The following GPBP1 variants were observed in gnomAD, a reference collection of about 807,000 sequenced individuals.
The protein encoded by GPBP1 is GC-rich promoter binding protein 1.
A neutral mutation model predicts 56.5 loss-of-function variants in GPBP1; 13 were observed. That is an observed-to-expected ratio of 0.23 (90% CI 0.15 to 0.37). The LOEUF (loss-of-function observed/expected upper bound fraction) is 0.37. Among genes scored for constraint, GPBP1 ranks in the 10% least tolerant of loss-of-function variants. The probability of loss-of-function intolerance (pLI) is 1.00; values close to 1 mark genes in which losing one functional copy is unlikely to be tolerated. For missense variants in GPBP1, 477 were observed against 572.3 expected, an observed-to-expected ratio of 0.83 and a Z score of 1.70; for synonymous variants, 204 against 188.9, an observed-to-expected ratio of 1.08 and a Z score of -0.66.
intron 2 of GPBP1, among the ~76,000 whole-genome samples, chr5:57,186,530 C>G (rs948674821): frequency 1.2e-4 from 18 of 151,604 alleles, no homozygotes; most frequent in African/African-American, 3.2e-4. Context: ...GTCTTTGATT[C>G]ATTTTGAATT....
intron 3 of GPBP1, among the ~76,000 whole-genome samples, chr5:57,216,823 C>T (rs993020617): frequency 1.3e-5 from 2 of 151,910 alleles, no homozygotes; most frequent in African/African-American, 4.8e-5. Context: ...GCTTTACTTT[C>T]TCCTTATGAA....
Position 57,246,957 on chromosome 5 carries a change from A to G in GPBP1, c.664-118A>G, listed in dbSNP as rs74666530. Reference sequence around the variant, plus strand: ...TGTAGGAATAATGCAGTGTGATACAAAAATAATTGTTTCCATGAGCCTAGC... The same window carrying G: ...TGTAGGAATAATGCAGTGTGATACAGAAATAATTGTTTCCATGAGCCTAGC... On this transcript the variant is annotated intron_variant, in intron 7 of 11. Coordinates refer to ENST00000506184, the MANE Select transcript of GPBP1 (RefSeq NM_022913.4). The G allele has an allele frequency of 1.2e-3, 966 of 783,808 alleles. 14 individuals are homozygous for G. The East Asian group carries it at 0.025, about 21-fold the overall frequency. 48.6% of individuals were successfully genotyped at this position (783,808 alleles called of 1,614,324 possible). A position where few individuals can be genotyped will look rare whatever the true frequency, so the allele number is the denominator to read the frequency against.
chr5:57,220,045 C>G (rs940016100), intron 3 of GPBP1, among the ~76,000 whole-genome samples: 4 of 144,952 alleles, frequency 2.8e-5, no homozygotes, highest in African/African-American at 1.0e-4. Context: ...GAGTGAGACC[C>G]TGTCTCAAAA....
intron 2 of GPBP1, among the ~76,000 whole-genome samples, chr5:57,199,235 A>G (rs1326097317): frequency 1.3e-5 from 2 of 152,216 alleles, no homozygotes; most frequent in Non-Finnish European, 2.9e-5. Context: ...TGTTTTGTAG[A>G]TATAACAAAA....
chr5:57,185,301 G>C (rs1259191637), intron 2 of GPBP1, among the ~76,000 whole-genome samples: 1 of 144,014 alleles, frequency 6.9e-6, no homozygotes, highest in African/African-American at 2.6e-5. Context: ...TGCTGTTGTT[G>C]CCCAGGCTGG....
chr5:57,202,452 C>T (rs1479679472), intron 2 of GPBP1, among the ~76,000 whole-genome samples: 1 of 151,690 alleles, frequency 6.6e-6, no homozygotes, highest in East Asian at 1.9e-4. Flanking sequence ...CCACGCTTGG[C>T]TAATTTTTGT....
In GPBP1 at chr5:57,176,324, A is replaced by C; in HGVS notation, c.-134A>C. The C allele has an allele frequency of 3.8e-6, 1 of 263,542 alleles. No homozygotes were observed. Among genetic ancestry groups the C allele is most frequent in the Non-Finnish European group, 7.0e-6 (1 of 141,904 alleles). 16.3% of individuals were successfully genotyped at this position (263,542 alleles called of 1,614,324 possible). A position where few individuals can be genotyped will look rare whatever the true frequency, so the allele number is the denominator to read the frequency against. On this transcript the variant is annotated 5_prime_UTR_variant, in exon 2 of 12. Coordinates refer to ENST00000506184, the MANE Select transcript of GPBP1 (RefSeq NM_022913.4). The stretch of plus-strand genomic sequence containing the variant: ...ACTTCGATATTATTTCAGAGGATAC[A>C]AAATAAAAATACAAACTGGAAAATA...
At chr5:57,215,037 T>G (rs543918772) in intron 3 of GPBP1, among the ~76,000 whole-genome samples, 1 of 152,350 alleles carries the variant, frequency 6.6e-6, no homozygotes, top group East Asian at 1.9e-4. Flanking sequence ...AGTTGTCTTT[T>G]GTAGTAATCA....
chr5:57,217,497 G>C (rs1014280242), intron 3 of GPBP1, among the ~76,000 whole-genome samples: 2 of 152,106 alleles, frequency 1.3e-5, no homozygotes, highest in Non-Finnish European at 2.9e-5. Flanking sequence ...CTTTAACCGG[G>C]AGGGTGGAGG....
rs532175158 is a variant in GPBP1 at position 57,238,573 on chromosome 5, T to A, written c.478+2541T>A. On this transcript the variant is annotated intron_variant, in intron 6 of 11. Transcript: ENST00000506184. Reference sequence around the variant, plus strand: ...AACTCCGTCTCAAAAAATAAATAAATAAATAAATAAATTAGTGGCTACTGA... The same window carrying A: ...AACTCCGTCTCAAAAAATAAATAAAAAAATAAATAAATTAGTGGCTACTGA... Among the ~76,000 whole-genome samples the A allele has an allele frequency of 2.9e-3, 445 of 152,036 alleles. 4 individuals carry two copies. The highest frequency in any genetic ancestry group is 0.011 in the Admixed American group (166 of 15,244).
intron 3 of GPBP1, among the ~76,000 whole-genome samples, chr5:57,216,679 C>G (rs1053964747): frequency 1.4e-4 from 21 of 152,180 alleles, no homozygotes; most frequent in African/African-American, 4.3e-4. Context: ...GAGTGAGACT[C>G]TGTCTCAAAA....
chr5:57,193,093 G>T lies in GPBP1; in HGVS notation c.-58+16693G>T, dbSNP rs144827478. On this transcript the variant is annotated intron_variant, in intron 2 of 11. Coordinates refer to ENST00000506184, the MANE Select transcript of GPBP1 (RefSeq NM_022913.4). ...GCACTTTGGGACGCCAAGGCGAGTG[G>T]ATCACCTAAGGTCAGGAGTTGAAGA... is the stretch of plus-strand genomic sequence containing the variant. 8.0e-3 allele frequency among the ~76,000 whole-genome samples: 1,216 copies of T among 152,228 alleles called. 10 individuals carry two copies. The highest frequency in any genetic ancestry group is 0.026 in the South Asian group (126 of 4,826).
chr5:57,190,906 C>CCATGTTGCCTAGAACTCTAGGCAAAA (rs1754494556), intron 2 of GPBP1, among the ~76,000 whole-genome samples: 3 of 151,506 alleles, frequency 2.0e-5, no homozygotes, highest in East Asian at 2.0e-4. Flanking sequence ...CGGGGTTTTG[C>CCATGTTGCCTAGAACTCTAGGCAAAA]CATGTTGCCT....
chr5:57,257,345 T>G (rs1039809679), intron 10 of GPBP1, among the ~76,000 whole-genome samples: 1 of 152,038 alleles, frequency 6.6e-6, no homozygotes, highest in Non-Finnish European at 1.5e-5. Flanking sequence ...AGTGATAGGT[T>G]TTTTAAGGAT....
intron 10 of GPBP1, 25 bp downstream of exon 10, chr5:57,251,166 C>G: frequency 6.5e-7 from 1 of 1,545,878 alleles, no homozygotes; most frequent in Non-Finnish European, 8.7e-7. Flanking sequence ...GTACTTTTTG[C>G]TCAGCATTTT....
chr5:57,187,003 A>AGTGTGTGTGT lies in GPBP1; in HGVS notation c.-58+10630_-58+10639dup, dbSNP rs66642664. ...GTGTGTCTATTTCTGGACTCAGAGAAGTGTGTGTGTGTGTGTGTGTGTGTG... is the reference window on the plus strand; with the variant it reads ...GTGTGTCTATTTCTGGACTCAGAGAAGTGTGTGTGTGTGTGTGTGTGTGTGTGTGTGTGTG... On this transcript the variant is annotated intron_variant, in intron 2 of 11. Transcript: ENST00000506184. 9.5e-4 allele frequency among the ~76,000 whole-genome samples: 139 copies of AGTGTGTGTGT among 146,780 alleles called. 1 individual carries two copies. The highest frequency in any genetic ancestry group is 5.5e-3 in the South Asian group (25 of 4,546).
intron 2 of GPBP1, among the ~76,000 whole-genome samples, chr5:57,200,360 A>ATTTTTTTT (rs70999063): frequency 1.0e-4 from 7 of 69,826 alleles, no homozygotes; most frequent in East Asian, 3.7e-4. Context: ...ATAAGTTTGA[A>ATTTTTTTT]TTTTTTTTTT....
At chr5:57,224,765 T>C (rs1056083736) in intron 3 of GPBP1, among the ~76,000 whole-genome samples, 5 of 152,118 alleles carry the variant, frequency 3.3e-5, no homozygotes, top group African/African-American at 1.2e-4. Context: ...GACATGATGT[T>C]GCTTTCCCCT....
At chr5:57,255,916 CAGG>C (rs1741636594) in intron 10 of GPBP1, among the ~76,000 whole-genome samples, 3 of 152,072 alleles carry the variant, frequency 2.0e-5, no homozygotes, top group African/African-American at 7.2e-5. Context: ...TGACTACTAA[CAGG>C]AGAAAATGGA....
Sources: allele counts gnomAD v4.1 joint callset (sites outside exome capture counted in the v4.1 genomes callset), GRCh38; gene constraint gnomAD v4.1.1; transcripts MANE v1.5; gene names NCBI Gene and HGNC (gene_info 2026-07-23, HGNC 2026-07-21).